DOT1L: variants seen among roughly 807,000 people sequenced by gnomAD.
The protein encoded by DOT1L is DOT1 like histone lysine methyltransferase.
In DOT1L, 33 loss-of-function variants were observed where a neutral mutation model predicts 153.3. The ratio of observed to expected loss-of-function variants is 0.22; its 90% confidence interval spans 0.16 to 0.29. The LOEUF (loss-of-function observed/expected upper bound fraction) is 0.29, where lower values mean the gene tolerates loss of function less well. Among genes scored for constraint, DOT1L ranks in the 10% least tolerant of loss-of-function variants. The pLI is 1.00. For missense variants in DOT1L, 1,847 were observed against 2,119.9 expected (o/e 0.87, Z 2.53); for synonymous variants, 1,135 against 965.1 (o/e 1.18, Z -3.26).
At chr19:2,206,616 G>A (rs781215435) in intron 9 of DOT1L, 113 bp from the exon 10 acceptor site, 42 of 1,033,014 alleles carry the variant, frequency 4.1e-5, no homozygotes, top group Non-Finnish European at 5.4e-5. Flanking sequence ...GACAGGACCC[G>A]GAGCCCAGTG....
chr19:2,175,184 G>A (rs187614835), intron 1 of DOT1L, among the ~76,000 whole-genome samples: 2 of 152,018 alleles, frequency 1.3e-5, no homozygotes, highest in African/African-American at 4.8e-5. Flanking sequence ...ATTTTTAGTA[G>A]AGACAGGGTT....
chr19:2,225,313 G>A, intron 25 of DOT1L, 75 bp from the exon 26 acceptor site: 5 of 1,457,370 alleles, frequency 3.4e-6, no homozygotes, highest in Non-Finnish European at 4.8e-6. Context: ...TCCCTGGGCT[G>A]TTGGCTGTCA....
At chr19:2,219,724 G>C (rs183258651) in intron 22 of DOT1L, among the ~76,000 whole-genome samples, 4 of 152,126 alleles carry the variant, frequency 2.6e-5, no homozygotes, top group African/African-American at 9.7e-5. Flanking sequence ...GTGTGTTCTC[G>C]CAAGCGCCCT....
Position 2,222,795 on chromosome 19 carries a change from A to G in DOT1L, c.3390+236A>G, listed in dbSNP as rs545067051. Reference sequence around the variant, plus strand: ...GGTGCCTGGGAGGCTGAGGCAGGAGAATGATGTGAACCCGGGAGGCGGGGC... The same window carrying G: ...GGTGCCTGGGAGGCTGAGGCAGGAGGATGATGTGAACCCGGGAGGCGGGGC... On this transcript the variant is annotated intron_variant, in intron 24 of 27. Transcript: ENST00000398665. The surrounding 1 kb of genome is among the most constrained non-coding windows in gnomAD (Gnocchi z 6.5). 4 of 522,082 alleles carry G rather than the reference A, an allele frequency of 7.7e-6. No individual in the cohort carries two copies. In the East Asian group the frequency reaches 9.6e-5, roughly 12 times the overall value. 32.3% of individuals were successfully genotyped at this position (522,082 alleles called of 1,614,324 possible).
intron 3 of DOT1L, among the ~76,000 whole-genome samples, chr19:2,187,450 G>A (rs915553123): frequency 3.9e-5 from 6 of 152,230 alleles, no homozygotes; most frequent in African/African-American, 9.6e-5. Context: ...GGGGGTCTTC[G>A]TTGGAGCTGG....
chr19:2,207,766 G>A lies in DOT1L; in HGVS notation c.963+86G>A. ...ACACTGCTCTCTCCTTTCTCATGTG[G>A]CCTCTGAGACCCTCCCCTCAGAGCC... On this transcript the variant is annotated intron_variant, in intron 11 of 27. Coordinates refer to ENST00000398665, the MANE Select transcript of DOT1L (RefSeq NM_032482.3). The surrounding 1 kb of genome is among the most constrained non-coding windows in gnomAD (Gnocchi z 4.5). The A allele has an allele frequency of 7.9e-7, 1 of 1,261,420 alleles. No homozygotes were observed. 78.1% of individuals were successfully genotyped at this position (1,261,420 alleles called of 1,614,324 possible). A position where few individuals can be genotyped will look rare whatever the true frequency, so the allele number is the denominator to read the frequency against.
intron 7 of DOT1L, among the ~76,000 whole-genome samples, chr19:2,195,764 A>G (rs904365811): frequency 6.6e-6 from 1 of 152,210 alleles, no homozygotes; most frequent in African/African-American, 2.4e-5. Context: ...GAACATGGCA[A>G]GGCCAACTCG....
chr19:2,220,505 T>C lies in DOT1L; in HGVS notation c.2806+283T>C, dbSNP rs1216314370. 1.9e-6 allele frequency: 1 copy of C among 538,986 alleles called. No individual in the cohort carries two copies. The highest frequency in any genetic ancestry group is 3.6e-6 in the Non-Finnish European group (1 of 280,294). 33.4% of individuals were successfully genotyped at this position (538,986 alleles called of 1,614,324 possible). A position where few individuals can be genotyped will look rare whatever the true frequency, so the allele number is the denominator to read the frequency against. On this transcript the variant is annotated intron_variant, in intron 23 of 27. Transcript: ENST00000398665. The surrounding 1 kb of genome is among the most constrained non-coding windows in gnomAD (Gnocchi z 4.5). ...CAGCCCGTGAGGTCGGCCCCAGTGC[T>C]CTCGGGGGCTCCTGTACTCACAGCT...
intron 18 of DOT1L, 35 bp downstream of exon 18, chr19:2,214,021 C>A: frequency 2.5e-6 from 4 of 1,601,328 alleles, no homozygotes; most frequent in Non-Finnish European, 3.4e-6. Context: ...GGACGTGGAA[C>A]CAGAGGGGCC....
chr19:2,220,471 G>A lies in DOT1L; in HGVS notation c.2806+249G>A. ...CGACACTGACACCTCCTGCTTGGGT[G>A]TATTAATTCAGCCCGTGAGGTCGGC... On this transcript the variant is annotated intron_variant, in intron 23 of 27. Coordinates refer to ENST00000398665, the MANE Select transcript of DOT1L (RefSeq NM_032482.3). This position sits in a 1 kb window ranked among gnomAD's most constrained non-coding sequence, Gnocchi z 4.5. The A allele has an allele frequency of 1.7e-6, 1 of 603,740 alleles. No homozygotes were observed. 37.4% of individuals were successfully genotyped at this position (603,740 alleles called of 1,614,324 possible). A position where few individuals can be genotyped will look rare whatever the true frequency, so the allele number is the denominator to read the frequency against.
Position 2,220,663 on chromosome 19 carries a change from G to A in DOT1L, c.2806+441G>A, listed in dbSNP as rs1224629662. 2 of 387,758 alleles carry A rather than the reference G, an allele frequency of 5.2e-6. No individual in the cohort carries two copies. The highest frequency in any genetic ancestry group is 1.0e-5 in the Non-Finnish European group (2 of 192,956). The allele number at this position is 387,758 out of a possible 1,614,324, so 24.0% of individuals were successfully genotyped here. ...GCCGCCTGAGCAGTCTCTGCTGTTA[G>A]CCCAGTTTCTGCAGAGAGCCAGAGA... is the stretch of plus-strand genomic sequence containing the variant. On this transcript the variant is annotated intron_variant, in intron 23 of 27. Transcript: ENST00000398665. This position sits in a 1 kb window ranked among gnomAD's most constrained non-coding sequence, Gnocchi z 4.5.
intron 12 of DOT1L, among the ~76,000 whole-genome samples, 182 bp from the exon 13 acceptor site, chr19:2,210,218 G>A (rs2023658166): frequency 2.0e-5 from 3 of 152,244 alleles, no homozygotes; most frequent in South Asian, 2.1e-4. Context: ...CCTGGCCTGC[G>A]GGGCCCCAAG....
chr19:2,229,152 G>A, intron 27 of DOT1L: 3 of 985,458 alleles, frequency 3.0e-6, no homozygotes, highest in Non-Finnish European at 3.6e-6. Context: ...TTGGAAGCAG[G>A]AGTGATTTTG....
rs1479024523 is a variant in DOT1L, at chr19:2,189,769, C to T, written c.238C>T (p.Arg80Cys). Residue 80 changes from arginine (R) to cysteine (C), a missense_variant, in exon 4 of 28, where the codon CGT becomes TGT. Physicochemically the swap from Arg to Cys is radical, Grantham distance 180. This residue lies in a region of DOT1L where 148 missense variants were observed against 422.3 expected (regional missense o/e 0.35). Transcript: ENST00000398665. ...SMQRLCDKYN[R>C]AIDSIHQLWK... ...GCAGAGGCTCTGCGACAAGTACAACCGTGCCATCGACAGCATCCACCAGCT... is the reference window on the plus strand; with the variant it reads ...GCAGAGGCTCTGCGACAAGTACAACTGTGCCATCGACAGCATCCACCAGCT... The T allele has an allele frequency of 6.2e-7, 1 of 1,612,136 alleles. No individual in the cohort carries two copies. Among genetic ancestry groups the T allele is most frequent in the Non-Finnish European group, 8.5e-7 (1 of 1,180,002 alleles).
At position 2,207,743 on chromosome 19, in the gene DOT1L, A is replaced by G. The variant is rs1317810933; in HGVS notation, c.963+63A>G. The stretch of plus-strand genomic sequence containing the variant: ...TGGTCTTCCACCCCGCCCACGTCAC[A>G]CTGCTCTCTCCTTTCTCATGTGGCC... On this transcript the variant is annotated intron_variant, in intron 11 of 27. Coordinates refer to ENST00000398665, the MANE Select transcript of DOT1L (RefSeq NM_032482.3). The surrounding 1 kb of genome is among the most constrained non-coding windows in gnomAD (Gnocchi z 4.5). The G allele has an allele frequency of 2.1e-6, 3 of 1,421,500 alleles. No individual in the cohort carries two copies. The highest frequency in any genetic ancestry group is 2.9e-6 in the Non-Finnish European group (3 of 1,042,740). 88.1% of individuals were successfully genotyped at this position (1,421,500 alleles called of 1,614,324 possible).
rs72985483 is a variant in DOT1L at position 2,217,204 on chromosome 19, G to A, written c.2544+114G>A. On this transcript the variant is annotated intron_variant, in intron 21 of 27. Coordinates refer to ENST00000398665, the MANE Select transcript of DOT1L (RefSeq NM_032482.3). This position sits in a 1 kb window ranked among gnomAD's most constrained non-coding sequence, Gnocchi z 7.3. ...TGACCTTGGGGCACGGTGAGGTACT[G>A]GGGCTGACCTGGAGTAGGATGTTGT... 319,772 of 1,382,298 alleles carry A rather than the reference G, an allele frequency of 0.23. 39,278 individuals carry two copies. The highest frequency in any genetic ancestry group is 0.26 in the Non-Finnish European group (267,982 of 1,050,334). 85.6% of individuals were successfully genotyped at this position (1,382,298 alleles called of 1,614,324 possible). A position where few individuals can be genotyped will look rare whatever the true frequency, so the allele number is the denominator to read the frequency against.
Position 2,216,661 on chromosome 19 carries a change from A to G in DOT1L, c.2304A>G (p.Ala768=). ...TGGAGAAGCTGTCTGGCCTAGCCGC[A>G]CCCGACTACACTAGGCTGTCCCCGG... is the stretch of plus-strand genomic sequence containing the variant. ...PRLEKLSGLA[A]PDYTRLSPAK... Residue 768 remains alanine, a synonymous_variant, in exon 20 of 28, where the codon GCA becomes GCG. Coordinates refer to ENST00000398665, the MANE Select transcript of DOT1L (RefSeq NM_032482.3). 1 of 1,604,392 alleles carries G rather than the reference A, an allele frequency of 6.2e-7. No homozygotes were observed. Among genetic ancestry groups the G allele is most frequent in the Admixed American group, 1.7e-5 (1 of 60,006 alleles).
At chr19:2,182,721 G>T (rs952224287) in intron 2 of DOT1L, among the ~76,000 whole-genome samples, 1 of 152,150 alleles carries the variant, frequency 6.6e-6, no homozygotes, top group East Asian at 1.9e-4. Context: ...AGCTGCACCT[G>T]CTCCCCATGG....
intron 1 of DOT1L, among the ~76,000 whole-genome samples, chr19:2,165,286 G>GCT (rs1189046511): frequency 5.9e-5 from 9 of 151,958 alleles, no homozygotes; most frequent in African/African-American, 9.7e-5. Flanking sequence ...GGACTCCCGC[G>GCT]CGCGCTGGGC....
Sources: gnomAD v4.1 joint callset for allele counts (sites outside exome capture counted in the v4.1 genomes callset) on GRCh38, gnomAD v4.1.1 for gene constraint, gnomAD v4.1.1 regional missense constraint, Gnocchi (gnomAD v3.1) non-coding constraint, MANE v1.5 for transcripts, NCBI Gene and HGNC (gene_info 2026-07-23, HGNC 2026-07-21) for gene names.